The following PTPRG variants were observed in gnomAD, a reference collection of about 807,000 sequenced individuals.
PTPRG encodes protein tyrosine phosphatase receptor type G, also known as receptor-type tyrosine-protein phosphatase gamma.
In PTPRG, 102 loss-of-function variants were observed where a neutral mutation model predicts 165.3. That is an observed-to-expected ratio of 0.62 (90% CI 0.53 to 0.73). The LOEUF is 0.73. Ranked by LOEUF, PTPRG falls within the 30% of genes least tolerant of loss-of-function variation. The pLI is 0.00. For missense variants in PTPRG, 1,866 were observed against 1,861.4 expected (o/e 1.00, Z -0.05); for synonymous variants, 675 against 669.5 (o/e 1.01, Z -0.13).
intron 4 of PTPRG, among the ~76,000 whole-genome samples, chr3:62,012,566 C>T (rs918872805): frequency 1.3e-5 from 2 of 152,038 alleles, no homozygotes; most frequent in Non-Finnish European, 2.9e-5. Flanking sequence ...GTTTCATATG[C>T]CCCTTAAATA....
intron 2 of PTPRG, among the ~76,000 whole-genome samples, chr3:61,907,623 AC>A (rs2038687788): frequency 1.3e-5 from 2 of 152,222 alleles, no homozygotes; most frequent in Non-Finnish European, 2.9e-5. Flanking sequence ...ACTGGGTAGA[AC>A]CATAAGCAAA....
chr3:61,810,732 A>G (rs2035548994), intron 2 of PTPRG, among the ~76,000 whole-genome samples: 1 of 152,218 alleles, frequency 6.6e-6, no homozygotes, highest in Non-Finnish European at 1.5e-5. Flanking sequence ...CAGAGAAGTC[A>G]TGGAGATCCA....
intron 2 of PTPRG, among the ~76,000 whole-genome samples, chr3:61,906,474 A>C (rs1401681756): frequency 6.6e-6 from 1 of 151,826 alleles, no homozygotes; most frequent in African/African-American, 2.4e-5. Flanking sequence ...AGGAAAAAAA[A>C]ACATATATAT....
At chr3:61,635,006 TC>T (rs769397344) in intron 1 of PTPRG, among the ~76,000 whole-genome samples, 29 of 152,180 alleles carry the variant, frequency 1.9e-4, no homozygotes, top group Non-Finnish European at 3.7e-4. Context: ...GTAAGTGATC[TC>T]AAAGTGAGAA....
intron 4 of PTPRG, among the ~76,000 whole-genome samples, chr3:62,033,940 A>AT (rs1279627603): frequency 6.6e-6 from 1 of 151,722 alleles, no homozygotes; most frequent in African/African-American, 2.4e-5. Context: ...TAATTTTTGT[A>AT]TTTTTGGTAG....
chr3:61,595,686 A>G (rs1700684965), intron 1 of PTPRG, among the ~76,000 whole-genome samples: 1 of 152,236 alleles, frequency 6.6e-6, no homozygotes, highest in African/African-American at 2.4e-5. Flanking sequence ...GGGACTGTCT[A>G]ATATTCACAT....
intron 1 of PTPRG, among the ~76,000 whole-genome samples, chr3:61,647,063 T>C (rs989268099): frequency 8.5e-5 from 13 of 152,236 alleles, no homozygotes; most frequent in Admixed American, 7.2e-4. Context: ...AAGCTGCTTA[T>C]GAACATTTGT....
At chr3:62,134,881 C>T (rs1703648449) in intron 6 of PTPRG, among the ~76,000 whole-genome samples, 1 of 152,038 alleles carries the variant, frequency 6.6e-6, no homozygotes, top group South Asian at 2.1e-4. Flanking sequence ...GAACTAAAGC[C>T]CATGTGGGTA....
chr3:61,713,657 G>A (rs13433863), intron 1 of PTPRG, among the ~76,000 whole-genome samples: 11,522 of 152,084 alleles, frequency 0.076, 734 homozygotes, highest in African/African-American at 0.17. Context: ...TAAAGGTAAT[G>A]CTTGTTAAAT....
intron 2 of PTPRG, among the ~76,000 whole-genome samples, chr3:61,927,089 A>C (rs1431491975): frequency 6.6e-6 from 1 of 152,208 alleles, no homozygotes; most frequent in Non-Finnish European, 1.5e-5. Flanking sequence ...TGAATTCAGG[A>C]AACTCCAGAG....
At chr3:62,276,178 T>C (rs1702228822) in intron 24 of PTPRG, among the ~76,000 whole-genome samples, 1 of 152,134 alleles carries the variant, frequency 6.6e-6, no homozygotes, top group Admixed American at 6.6e-5. Flanking sequence ...AGGGAAAATG[T>C]TATGCTTATT....
chr3:61,882,973 C>G (rs1163483187), intron 2 of PTPRG, among the ~76,000 whole-genome samples: 1 of 152,164 alleles, frequency 6.6e-6, no homozygotes, highest in African/African-American at 2.4e-5. Flanking sequence ...CCCAGTGCCA[C>G]TCTTCTCCTT....
chr3:62,114,277 C>G (rs979945155), intron 5 of PTPRG, among the ~76,000 whole-genome samples: 1 of 151,840 alleles, frequency 6.6e-6, no homozygotes, highest in Non-Finnish European at 1.5e-5. Flanking sequence ...CCAGCCTGGG[C>G]AACCGAGTGA....
chr3:61,707,912 C>T (rs1192082351), intron 1 of PTPRG, among the ~76,000 whole-genome samples: 1 of 152,074 alleles, frequency 6.6e-6, no homozygotes, highest in African/African-American at 2.4e-5. Context: ...CCTCAGCCTC[C>T]CGAGTACCTG....
intron 1 of PTPRG, among the ~76,000 whole-genome samples, chr3:61,608,847 CATCGTCTT>C (rs1701085514): frequency 6.6e-6 from 1 of 152,188 alleles, no homozygotes; most frequent in African/African-American, 2.4e-5. Flanking sequence ...GGAAGGATTT[CATCGTCTT>C]TACGCTGAGC....
At chr3:61,710,654 T>G (rs2031505083) in intron 1 of PTPRG, among the ~76,000 whole-genome samples, 1 of 152,086 alleles carries the variant, frequency 6.6e-6, no homozygotes, top group African/African-American at 2.4e-5. Context: ...TTAGTGTTAG[T>G]GTATTTTATG....
intron 2 of PTPRG, among the ~76,000 whole-genome samples, chr3:61,822,853 C>T (rs1402099415): frequency 6.6e-6 from 1 of 152,138 alleles, no homozygotes; most frequent in African/African-American, 2.4e-5. Flanking sequence ...GTCCTCATAC[C>T]TTCCCCAAAA....
intron 2 of PTPRG, among the ~76,000 whole-genome samples, chr3:61,842,388 C>A (rs1446207946): frequency 6.6e-6 from 1 of 152,166 alleles, no homozygotes; most frequent in Non-Finnish European, 1.5e-5. Context: ...ATCCTTGACT[C>A]AAGTCTTCAG....
intron 2 of PTPRG, among the ~76,000 whole-genome samples, chr3:61,873,930 A>T (rs1209805123): frequency 6.6e-6 from 1 of 152,172 alleles, no homozygotes; most frequent in Non-Finnish European, 1.5e-5. Context: ...TGTTCAGTAG[A>T]GCAGTGAGGA....
Sources: allele counts gnomAD v4.1 joint callset (sites outside exome capture counted in the v4.1 genomes callset), GRCh38; gene constraint gnomAD v4.1.1; transcripts MANE v1.5; gene names NCBI Gene and HGNC (gene_info 2026-07-23, HGNC 2026-07-21).